ANKIB1: variants seen among roughly 807,000 people sequenced by gnomAD.
ANKIB1 encodes ankyrin repeat and IBR domain containing 1.
Under a neutral mutation model 122.1 loss-of-function variants are expected in ANKIB1, and 43 were observed. The observed-to-expected ratio is 0.35, with a 90% CI of 0.28 to 0.45. The LOEUF (loss-of-function observed/expected upper bound fraction) is 0.45, where lower values mean the gene tolerates loss of function less well. Among genes scored for constraint, ANKIB1 ranks in the 20% least tolerant of loss-of-function variants. The probability of loss-of-function intolerance (pLI) is 1.00; values close to 1 mark genes in which losing one functional copy is unlikely to be tolerated. For synonymous variants in ANKIB1, 390 were observed against 442.0 expected (o/e 0.88, Z 1.48); for missense variants, 992 against 1,329.5 (o/e 0.75, Z 3.95).
intron 11 of ANKIB1, among the ~76,000 whole-genome samples, chr7:92,378,332 A>G (rs1219563782): frequency 6.6e-6 from 1 of 152,102 alleles, no homozygotes; most frequent in East Asian, 1.9e-4. Context: ...ATTTTGGAGT[A>G]TTTAGGATTT....
intron 11 of ANKIB1, among the ~76,000 whole-genome samples, chr7:92,380,296 T>C (rs1247193456): frequency 6.6e-6 from 1 of 152,138 alleles, no homozygotes; most frequent in Non-Finnish European, 1.5e-5. Context: ...ACTCCACCTC[T>C]GGGGGCAGGG....
chr7:92,330,331 C>T lies in ANKIB1; in HGVS notation c.787+2431C>T, dbSNP rs145291912. ...AATTTTTATTGTTAGGTATTGTTTC[C>T]GTAATACCTAATATATATTAATCAC... On this transcript the variant is annotated intron_variant, in intron 5 of 19. Coordinates refer to ENST00000265742, the MANE Select transcript of ANKIB1 (RefSeq NM_019004.2). Among the ~76,000 whole-genome samples, 1,207 of 151,954 alleles carry T rather than the reference C, an allele frequency of 7.9e-3. 17 individuals carry two copies. Among genetic ancestry groups the T allele is most frequent in the African/African-American group, 0.026 (1,064 of 41,436 alleles).
At chr7:92,355,554 AAAT>A (rs1193650474) in intron 9 of ANKIB1, among the ~76,000 whole-genome samples, 1 of 152,156 alleles carries the variant, frequency 6.6e-6, no homozygotes, top group Non-Finnish European at 1.5e-5. Flanking sequence ...GAAATATTCT[AAAT>A]AATAATATGG....
At chr7:92,269,997 G>A (rs191166534) in intron 1 of ANKIB1, among the ~76,000 whole-genome samples, 4 of 95,142 alleles carry the variant, frequency 4.2e-5, no homozygotes, top group Non-Finnish European at 8.0e-5. Context: ...TGAGTTCCCC[G>A]CCCTGTGTCC....
chr7:92,400,521 G>A lies in ANKIB1; in HGVS notation c.*1572G>A, dbSNP rs932000717. On this transcript the variant is annotated 3_prime_UTR_variant, in exon 20 of 20. Transcript: ENST00000265742. The stretch of plus-strand genomic sequence containing the variant: ...TTCTGAGTTTGTACAGGCAAGTCCT[G>A]GGCTGGGTAAAAAGTTATATTAATA... 1.3e-5 allele frequency: 2 copies of A among 152,102 alleles called. No homozygotes were observed. Among genetic ancestry groups the A allele is most frequent in the African/African-American group, 4.8e-5 (2 of 41,444 alleles). 9.4% of individuals were successfully genotyped at this position (152,102 alleles called of 1,614,324 possible). A position where few individuals can be genotyped will look rare whatever the true frequency, so the allele number is the denominator to read the frequency against.
chr7:92,349,456 A>G (rs1803611790), intron 7 of ANKIB1, among the ~76,000 whole-genome samples: 1 of 152,204 alleles, frequency 6.6e-6, no homozygotes, highest in South Asian at 2.1e-4. Flanking sequence ...TGTTAAGTGC[A>G]GTGGAATTAA....
chr7:92,306,242 A>T (rs1038990009), intron 2 of ANKIB1, among the ~76,000 whole-genome samples: 1 of 152,058 alleles, frequency 6.6e-6, no homozygotes, highest in African/African-American at 2.4e-5. Context: ...GCTCCACTGA[A>T]CTACTCTAGG....
At chr7:92,275,008 T>C (rs1801872569) in intron 1 of ANKIB1, among the ~76,000 whole-genome samples, 1 of 152,158 alleles carries the variant, frequency 6.6e-6, no homozygotes, top group Admixed American at 6.5e-5. Flanking sequence ...TTCTGAGACT[T>C]TTTGGTGTTC....
chr7:92,384,484 T>C (rs1804588902), intron 11 of ANKIB1, among the ~76,000 whole-genome samples: 1 of 152,224 alleles, frequency 6.6e-6, no homozygotes, highest in Non-Finnish European at 1.5e-5. Flanking sequence ...GACTTCAAAC[T>C]ATAGTACAAG....
chr7:92,251,875 T>C (rs1801337145), intron 1 of ANKIB1, among the ~76,000 whole-genome samples: 1 of 152,224 alleles, frequency 6.6e-6, no homozygotes, highest in East Asian at 1.9e-4. Context: ...CTCTTTATCT[T>C]CTGGCGCAGG....
In ANKIB1 at chr7:92,246,519, C is replaced by T. The variant is rs1367961455; in HGVS notation, c.-91C>T. On this transcript the variant is annotated splice_region_variant and 5_prime_UTR_variant, in exon 1 of 20. Transcript: ENST00000265742. ...CCTTACCCTCAGCGAGAGAAGTAAC[C>T]GTAAGTCTCAGCTTCGCGGTACAGA... is the stretch of plus-strand genomic sequence containing the variant. 1 of 518,302 alleles carries T rather than the reference C, an allele frequency of 1.9e-6. No homozygotes were observed. Among genetic ancestry groups the T allele is most frequent in the Non-Finnish European group, 3.8e-6 (1 of 259,772 alleles). The allele number at this position is 518,302 out of a possible 1,614,324, so 32.1% of individuals were successfully genotyped here.
intron 10 of ANKIB1, among the ~76,000 whole-genome samples, chr7:92,365,917 C>T (rs1347565952): frequency 6.7e-6 from 1 of 150,252 alleles, no homozygotes; most frequent in East Asian, 1.9e-4. Context: ...CTGCCCCAGC[C>T]TCCCGAGTAG....
intron 1 of ANKIB1, among the ~76,000 whole-genome samples, chr7:92,278,926 AAC>A (rs1403489280): frequency 6.6e-6 from 1 of 152,188 alleles, no homozygotes; most frequent in Admixed American, 6.5e-5. Flanking sequence ...AAGAAACCCA[AAC>A]ACAAGGCAAA....
chr7:92,252,880 A>C (rs1324030793), intron 1 of ANKIB1, among the ~76,000 whole-genome samples: 2 of 150,686 alleles, frequency 1.3e-5, no homozygotes, highest in African/African-American at 4.9e-5. Context: ...GGAATCAGCC[A>C]TTTCTCCAAG....
intron 7 of ANKIB1, among the ~76,000 whole-genome samples, chr7:92,348,168 T>A (rs1562789045): frequency 6.6e-6 from 1 of 152,214 alleles, no homozygotes; most frequent in Non-Finnish European, 1.5e-5. Flanking sequence ...AGTTCTGTAA[T>A]TTAATTCCCC....
At chr7:92,367,746 C>T (rs1209557482) in intron 10 of ANKIB1, among the ~76,000 whole-genome samples, 1 of 152,070 alleles carries the variant, frequency 6.6e-6, no homozygotes, top group Non-Finnish European at 1.5e-5. Flanking sequence ...CTAATTAGAG[C>T]AAGAAGCAGG....
At chr7:92,380,163 C>T (rs767707828) in intron 11 of ANKIB1, among the ~76,000 whole-genome samples, 10 of 152,178 alleles carry the variant, frequency 6.6e-5, no homozygotes, top group Non-Finnish European at 1.0e-4. Context: ...GATCTAACTG[C>T]GAGGCGGCAA....
At chr7:92,333,042 C>T (rs1022499121) in intron 5 of ANKIB1, among the ~76,000 whole-genome samples, 1 of 152,182 alleles carries the variant, frequency 6.6e-6, no homozygotes, top group East Asian at 1.9e-4. Context: ...GACATTTCCT[C>T]TCCCATCCTG....
chr7:92,380,849 C>T (rs1470104468), intron 11 of ANKIB1, among the ~76,000 whole-genome samples: 1 of 152,234 alleles, frequency 6.6e-6, no homozygotes, highest in Non-Finnish European at 1.5e-5. Flanking sequence ...CGCCCCATCT[C>T]CTCCAGAGGA....
Sources: allele counts gnomAD v4.1 joint callset (sites outside exome capture counted in the v4.1 genomes callset), GRCh38; gene constraint gnomAD v4.1.1; transcripts MANE v1.5; gene names NCBI Gene and HGNC (gene_info 2026-07-23, HGNC 2026-07-21).